PCSK5: variants seen among roughly 807,000 people sequenced by gnomAD.
PCSK5 encodes the protein prohormone convertase 5.
Under a neutral mutation model 233.2 loss-of-function variants are expected in PCSK5, and 129 were observed. That is an observed-to-expected ratio of 0.55 (90% CI 0.48 to 0.64). The LOEUF (loss-of-function observed/expected upper bound fraction) is 0.64, where lower values mean the gene tolerates loss of function less well. Ranked by LOEUF, PCSK5 falls within the 30% of genes least tolerant of loss-of-function variation. The pLI is 0.00. For synonymous variants in PCSK5, 825 were observed against 879.2 expected, an observed-to-expected ratio of 0.94 and a Z score of 1.09; for missense variants, 2,076 against 2,430.1, an observed-to-expected ratio of 0.85 and a Z score of 3.06.
At chr9:76,180,102 T>C (rs561897691) in intron 15 of PCSK5, among the ~76,000 whole-genome samples, 12 of 141,922 alleles carry the variant, frequency 8.5e-5, no homozygotes, top group African/African-American at 3.4e-4. Context: ...TATATATATA[T>C]ATACACACAC....
Position 76,095,912 on chromosome 9 carries a change from T to G in PCSK5, c.917T>G (p.Val306Gly). The change falls in exon 8 of 38, where the codon GTG becomes GGG. Residue 306 changes from valine to glycine, a missense_variant. By Grantham distance (109) the Val-to-Gly change is moderately radical. This residue lies in a region of PCSK5 where 178 missense variants were observed against 393.6 expected (regional missense o/e 0.45). Transcript: ENST00000674117. ...VRMGRRGLGSVFVWASGNGGR... is the reference protein window; with the variant it reads ...VRMGRRGLGSGFVWASGNGGR... ...CAGGGGCGGAGAGGCCTCGGCTCTG[T>G]GTTTGTTTGGGCATCTGGAAATGGT... The G allele has an allele frequency of 6.2e-7, 1 of 1,614,106 alleles. No individual in the cohort carries two copies. Among genetic ancestry groups the G allele is most frequent in the Non-Finnish European group, 8.5e-7 (1 of 1,180,008 alleles).
chr9:76,261,840 T>G (rs1827183466), intron 24 of PCSK5, among the ~76,000 whole-genome samples: 1 of 152,190 alleles, frequency 6.6e-6, no homozygotes, highest in Non-Finnish European at 1.5e-5. Context: ...TGCTTGTGAT[T>G]TTTCACACAG....
chr9:76,289,517 T>TACACAC lies in PCSK5; in HGVS notation c.3143-2691_3143-2686dup, dbSNP rs138282168. On this transcript the variant is annotated intron_variant, in intron 24 of 37. Coordinates refer to ENST00000674117, the MANE Select transcript of PCSK5 (RefSeq NM_001372043.1). Reference sequence around the variant, plus strand: ...CACACACACACACACACACGCAACATACACACACACACACACACACACACA... The same window carrying TACACAC: ...CACACACACACACACACACGCAACATACACACACACACACACACACACACACACACA... Among the ~76,000 whole-genome samples, 497 of 119,442 alleles carry TACACAC rather than the reference T, an allele frequency of 4.2e-3. 2 individuals carry two copies. The highest frequency in any genetic ancestry group is 6.4e-3 in the Non-Finnish European group (369 of 57,230). The allele number at this position is 119,442 out of a possible 152,430, so 78.4% of individuals were successfully genotyped here.
intron 2 of PCSK5, among the ~76,000 whole-genome samples, chr9:75,959,814 C>CTGTG (rs1424275786): frequency 6.6e-6 from 1 of 152,234 alleles, no homozygotes; most frequent in East Asian, 1.9e-4. Context: ...GGGCACAACA[C>CTGTG]TGTGCTTAGT....
intron 26 of PCSK5, 130 bp downstream of exon 26, chr9:76,295,541 AT>A: frequency 1.4e-6 from 1 of 728,680 alleles, no homozygotes; most frequent in Non-Finnish European, 2.2e-6. Context: ...CCAAGGAGAA[AT>A]TTTAATTTGG....
At chr9:76,220,180 C>CT (rs2131299476) in intron 20 of PCSK5, among the ~76,000 whole-genome samples, 1 of 152,310 alleles carries the variant, frequency 6.6e-6, no homozygotes, top group South Asian at 2.1e-4. Flanking sequence ...TTTTCCTCAT[C>CT]CACAGGTTCA....
At chr9:76,162,822 G>T (rs1822925106) in intron 12 of PCSK5, among the ~76,000 whole-genome samples, 2 of 152,154 alleles carry the variant, frequency 1.3e-5, no homozygotes, top group Non-Finnish European at 2.9e-5. Flanking sequence ...GGGGGTAGGG[G>T]TGATTCTTTT....
intron 2 of PCSK5, among the ~76,000 whole-genome samples, chr9:75,935,595 T>G (rs1824020609): frequency 6.6e-6 from 1 of 152,218 alleles, no homozygotes; most frequent in Non-Finnish European, 1.5e-5. Flanking sequence ...TTTGATTGCC[T>G]CTTTTCAGGG....
At position 76,227,489 on chromosome 9, in the gene PCSK5, A is replaced by C. The variant is rs1564121116; in HGVS notation, c.2627-14A>C. ...ATGTAGAAATGAAATAAACAACTAG[A>C]TTTTGTTCCCCAGGAGAATATGTTG... On this transcript the variant is annotated splice_polypyrimidine_tract_variant and intron_variant, in intron 20 of 37. Transcript: ENST00000674117. 6.3e-7 allele frequency: 1 copy of C among 1,584,776 alleles called. No homozygotes were observed. The highest frequency in any genetic ancestry group is 2.2e-5 in the East Asian group (1 of 44,530).
In PCSK5 at chr9:76,023,745, GT is replaced by G; in HGVS notation, c.420del (p.Ser140ArgfsTer11). 1 of 1,611,040 alleles carries G rather than the reference GT, an allele frequency of 6.2e-7. No homozygotes were observed. The highest frequency in any genetic ancestry group is 8.5e-7 in the Non-Finnish European group (1 of 1,178,552). ...ATGCTCTTCTTCTTTCAGCACTGCA[GT>G]GACAATACACATCCCTGCCAGTCTG... is the stretch of plus-strand genomic sequence containing the variant. ...KWPSMWYMHCSDNTHPCQSDM... is the reference protein window; with the variant it reads ...KWPSMWYMHCXDNTHPCQSDM... On this transcript the variant is annotated frameshift_variant, in exon 4 of 38. Transcript: ENST00000674117. LOFTEE classifies it high-confidence loss of function.
intron 1 of PCSK5, among the ~76,000 whole-genome samples, chr9:75,902,240 A>G (rs1308059414): frequency 1.4e-5 from 2 of 140,586 alleles, no homozygotes; most frequent in Non-Finnish European, 3.0e-5. Flanking sequence ...AAAAAAAAAA[A>G]AAAGAAAAGG....
rs144889040 is a variant in PCSK5, at chr9:75,899,572, G to A, written c.192+8199G>A. On this transcript the variant is annotated intron_variant, in intron 1 of 37. Transcript: ENST00000674117. ...ACCCCGGTAGTCACTGTTACACTCTGTTTCTATGTAATCAACATTTTCTCC... is the reference window on the plus strand; with the variant it reads ...ACCCCGGTAGTCACTGTTACACTCTATTTCTATGTAATCAACATTTTCTCC... 7.0e-4 allele frequency among the ~76,000 whole-genome samples: 107 copies of A among 152,204 alleles called. 1 individual carries two copies. The highest frequency in any genetic ancestry group is 3.4e-3 in the Middle Eastern group (1 of 294).
intron 7 of PCSK5, among the ~76,000 whole-genome samples, chr9:76,075,304 TC>T (rs1416079129): frequency 6.6e-6 from 1 of 152,082 alleles, no homozygotes; most frequent in Non-Finnish European, 1.5e-5. Flanking sequence ...ATTTTGTTCT[TC>T]CTATGTCTGT....
intron 5 of PCSK5, among the ~76,000 whole-genome samples, chr9:76,061,578 A>G (rs1286819829): frequency 6.6e-6 from 1 of 152,204 alleles, no homozygotes; most frequent in Non-Finnish European, 1.5e-5. Flanking sequence ...ATGAAGGATT[A>G]TAGTTAATAA....
intron 2 of PCSK5, among the ~76,000 whole-genome samples, chr9:75,950,984 G>A (rs929955922): frequency 6.6e-6 from 1 of 152,226 alleles, no homozygotes; most frequent in Non-Finnish European, 1.5e-5. Context: ...ACCATTGAAA[G>A]ATTTGTAGAT....
chr9:76,043,609 C>T (rs1829229885), intron 5 of PCSK5, among the ~76,000 whole-genome samples: 1 of 151,992 alleles, frequency 6.6e-6, no homozygotes, highest in Non-Finnish European at 1.5e-5. Flanking sequence ...ATAAGCTTTA[C>T]AAAATGTGTT....
chr9:75,944,313 A>G (rs1476671526), intron 2 of PCSK5, among the ~76,000 whole-genome samples: 1 of 152,122 alleles, frequency 6.6e-6, no homozygotes, highest in African/African-American at 2.4e-5. Flanking sequence ...ACCTGTGTGT[A>G]TGTGGCTATT....
chr9:76,018,941 T>G (rs1266093040), intron 3 of PCSK5, among the ~76,000 whole-genome samples: 2 of 152,190 alleles, frequency 1.3e-5, no homozygotes, highest in African/African-American at 4.8e-5. Flanking sequence ...TCATCTGAAT[T>G]TGCTTGTTTT....
At chr9:75,942,385 T>C (rs12335866) in intron 2 of PCSK5, among the ~76,000 whole-genome samples, 40,403 of 152,164 alleles carry the variant, frequency 0.27, 5,410 homozygotes, top group East Asian at 0.34. Flanking sequence ...AAGGCGTAAA[T>C]GACAGATCTC....
Sources: allele counts gnomAD v4.1 joint callset (sites outside exome capture counted in the v4.1 genomes callset), GRCh38; gene constraint gnomAD v4.1.1; regional missense constraint gnomAD v4.1.1; transcripts MANE v1.5; gene names NCBI Gene and HGNC (gene_info 2026-07-23, HGNC 2026-07-21).